Variants in LARP4B observed in about 807,000 individuals in gnomAD.
LARP4B encodes the protein la-related protein 4B.
Under a neutral mutation model 89.8 loss-of-function variants are expected in LARP4B, and 12 were observed. The ratio of observed to expected loss-of-function variants is 0.13; its 90% CI spans 0.09 to 0.22. LARP4B has a LOEUF of 0.22. LARP4B is among the 10% of genes least tolerant of loss of function. The pLI is 1.00. For missense variants in LARP4B, 757 were observed against 947.7 expected, an observed-to-expected ratio of 0.80 and a Z score of 2.64; for synonymous variants, 367 against 363.3, an observed-to-expected ratio of 1.01 and a Z score of -0.12.
chr10:817,015 CAG>C (rs1832097431), intron 15 of LARP4B, among the ~76,000 whole-genome samples: 1 of 152,194 alleles, frequency 6.6e-6, no homozygotes, highest in South Asian at 2.1e-4. Context: ...GCCCCTGGCA[CAG>C]GGGACACCGG....
chr10:970,119 G>C, the LARP4B span, among the ~76,000 whole-genome samples: 1 of 152,156 alleles, frequency 6.6e-6, no homozygotes, highest in African/African-American at 2.4e-5. Context: ...ATGGAAGGAG[G>C]CTTAGACATG....
chr10:821,385 C>T (rs1279999898), intron 13 of LARP4B, among the ~76,000 whole-genome samples: 1 of 152,224 alleles, frequency 6.6e-6, no homozygotes, highest in African/African-American at 2.4e-5. Context: ...CAAAGACTTC[C>T]TGCCCTCGCC....
chr10:961,916 C>G, the LARP4B span, among the ~76,000 whole-genome samples: 23 of 152,256 alleles, frequency 1.5e-4, no homozygotes, highest in East Asian at 1.7e-3. Flanking sequence ...AATATCCAAA[C>G]CATAGCAGGC....
upstream of LARP4B, among the ~76,000 whole-genome samples, chr10:933,994 A>G (rs994793283): frequency 6.6e-6 from 1 of 151,748 alleles, no homozygotes; most frequent in Non-Finnish European, 1.5e-5. Flanking sequence ...CACCACGCCC[A>G]GCTAATTTTT....
At chr10:916,131 G>A (rs1484613853) in intron 1 of LARP4B, among the ~76,000 whole-genome samples, 1 of 152,138 alleles carries the variant, frequency 6.6e-6, no homozygotes, top group African/African-American at 2.4e-5. Context: ...ATTAATGTGT[G>A]TTCCAACGTT....
At chr10:808,751 G>GTGCA (rs1554784872), downstream of LARP4B, 4 of 94,606 alleles carry the variant, frequency 4.2e-5, no homozygotes, top group Admixed American at 9.8e-5. Context: ...GCGTGTGCAC[G>GTGCA]CACACACACA....
upstream of LARP4B, among the ~76,000 whole-genome samples, chr10:932,819 C>T (rs1275971027): frequency 6.7e-6 from 1 of 150,354 alleles, no homozygotes; most frequent in Admixed American, 6.6e-5. Context: ...GAACCCCCGC[C>T]CCACACCCCT....
chr10:936,452 G>A (rs1830748674), upstream of LARP4B, among the ~76,000 whole-genome samples: 1 of 152,172 alleles, frequency 6.6e-6, no homozygotes, highest in Non-Finnish European at 1.5e-5. Context: ...AGACACAGTA[G>A]CTCAAACCTA....
chr10:815,853 C>T (rs1343057035), intron 15 of LARP4B: 1 of 152,244 alleles, frequency 6.6e-6, no homozygotes, highest in Non-Finnish European at 1.5e-5. Flanking sequence ...GAATCCGCTG[C>T]AATTCCTGCG....
chr10:864,177 C>T lies in LARP4B; in HGVS notation c.235G>A (p.Val79Met). 2.5e-6 allele frequency: 4 copies of T among 1,614,244 alleles called. No homozygotes were observed. The highest frequency in any genetic ancestry group is 1.6e-4 in the Middle Eastern group (1 of 6,062). Reference sequence around the variant, plus strand: ...GCCACCTCCTCCCATGCAGCACTCACACCGTCAGCAGCACTGCTTGCTTCC... The same window carrying T: ...GCCACCTCCTCCCATGCAGCACTCATACCGTCAGCAGCACTGCTTGCTTCC... Reference protein sequence around the residue: ...HLEASSAADGVSAAWEEVAGH... With the variant: ...HLEASSAADGMSAAWEEVAGH... The change falls in exon 4 of 18, where the codon GTG becomes ATG. Residue 79 changes from valine (V) to methionine (M), a missense_variant. By Grantham distance (21) the Val-to-Met change is conservative. Transcript: ENST00000316157.
rs1202715546 is a variant in LARP4B, at chr10:812,396, G to A, written c.*530C>T. 1.3e-5 allele frequency: 2 copies of A among 152,354 alleles called. No homozygotes were observed. Among genetic ancestry groups the A allele is most frequent in the Non-Finnish European group, 2.9e-5 (2 of 68,064 alleles). 9.4% of individuals were successfully genotyped at this position (152,354 alleles called of 1,614,324 possible). ...CCACAGTCCCCTACCAACGGCTTAG[G>A]TGGAAGCACAGCTCCCACATCAGCA... On this transcript the variant is annotated 3_prime_UTR_variant, in exon 18 of 18. Coordinates refer to ENST00000316157, the MANE Select transcript of LARP4B (RefSeq NM_015155.3).
intron 1 of LARP4B, among the ~76,000 whole-genome samples, chr10:904,146 C>T (rs983405748): frequency 6.6e-6 from 1 of 152,090 alleles, no homozygotes; most frequent in Non-Finnish European, 1.5e-5. Context: ...AATCCAAGCA[C>T]AATGATGCAT....
At chr10:857,482 T>G (rs1376702488) in intron 5 of LARP4B, among the ~76,000 whole-genome samples, 1 of 152,212 alleles carries the variant, frequency 6.6e-6, no homozygotes, top group Admixed American at 6.5e-5. Flanking sequence ...AAAAGTTTTT[T>G]GGGTCTTGTT....
intron 1 of LARP4B, among the ~76,000 whole-genome samples, chr10:928,781 T>G (rs1055333166): frequency 2.6e-5 from 4 of 152,122 alleles, no homozygotes; most frequent in Non-Finnish European, 5.9e-5. Flanking sequence ...GAGGTCTCTC[T>G]ATGTTGCCCA....
chr10:933,734 T>C (rs1042597638), upstream of LARP4B, among the ~76,000 whole-genome samples: 3 of 152,150 alleles, frequency 2.0e-5, no homozygotes, highest in African/African-American at 7.2e-5. Flanking sequence ...TTCCTTTACC[T>C]CCACGGATAA....
chr10:965,829 G>A, the LARP4B span, among the ~76,000 whole-genome samples: 6 of 152,146 alleles, frequency 3.9e-5, no homozygotes, highest in East Asian at 7.7e-4. Context: ...TTTTGGTTTA[G>A]AATCATCAAC....
chr10:839,318 C>A (rs938789365), intron 7 of LARP4B, among the ~76,000 whole-genome samples: 2 of 152,104 alleles, frequency 1.3e-5, no homozygotes, highest in African/African-American at 4.8e-5. Context: ...TCCTCTGCTG[C>A]GGAATGTTCA....
the LARP4B span, among the ~76,000 whole-genome samples, chr10:954,248 C>G: frequency 6.6e-6 from 1 of 152,008 alleles, no homozygotes; most frequent in South Asian, 2.1e-4. The surrounding 1 kb of genome is among the most constrained non-coding windows in gnomAD (Gnocchi z 5.0). Context: ...CCTGTGTCCA[C>G]CAGCCCGTCT....
Position 829,691 on chromosome 10 carries a change from T to C in LARP4B, c.905A>G (p.Lys302Arg), listed in dbSNP as rs1192780540. 1.2e-6 allele frequency: 2 copies of C among 1,612,778 alleles called. No individual in the cohort carries two copies. The highest frequency in any genetic ancestry group is 2.7e-5 in the African/African-American group (2 of 74,924). The stretch of plus-strand genomic sequence containing the variant: ...AATGGTCTTGCTTACCTTAATTGGT[T>C]TTCCTTGAAAAGTTTTGACTTCTTC... ...LREEVKTFQG[K>R]PIKARIKAKA... Residue 302 changes from lysine (K) to arginine (R), a missense_variant, in exon 10 of 18, where the codon AAA (lysine) becomes AGA (arginine). By Grantham distance (26) the Lys-to-Arg change is conservative. Coordinates refer to ENST00000316157, the MANE Select transcript of LARP4B (RefSeq NM_015155.3).
Sources: gnomAD v4.1 joint callset for allele counts (sites outside exome capture counted in the v4.1 genomes callset) on GRCh38, gnomAD v4.1.1 for gene constraint, Gnocchi (gnomAD v3.1) non-coding constraint, MANE v1.5 for transcripts, NCBI Gene and HGNC (gene_info 2026-07-23, HGNC 2026-07-21) for gene names.